Variants in SPOCK3 observed in about 807,000 individuals in gnomAD.
SPOCK3 encodes the protein SPARC (osteonectin), cwcv and kazal like domains proteoglycan 3.
A neutral mutation model predicts 56.6 loss-of-function variants in SPOCK3; 30 were observed. The observed-to-expected ratio is 0.53, with a 90% confidence interval of 0.40 to 0.72. The LOEUF (loss-of-function observed/expected upper bound fraction) is 0.72. SPOCK3 is among the 30% of genes least tolerant of loss of function. The pLI is 0.00. For synonymous variants in SPOCK3, 196 were observed against 183.3 expected (o/e 1.07, Z -0.56); for missense variants, 527 against 530.0 (o/e 0.99, Z 0.06).
chr4:167,010,300 C>T (rs1749901667), intron 3 of SPOCK3, among the ~76,000 whole-genome samples: 1 of 151,968 alleles, frequency 6.6e-6, no homozygotes, highest in Non-Finnish European at 1.5e-5. Flanking sequence ...GTGGGCAGAT[C>T]ACTTGAGCTC....
chr4:167,211,026 G>A (rs1009519354), intron 2 of SPOCK3, among the ~76,000 whole-genome samples: 1 of 152,138 alleles, frequency 6.6e-6, no homozygotes, highest in African/African-American at 2.4e-5. Context: ...TATAAATTAT[G>A]TAATTGATAA....
intron 3 of SPOCK3, among the ~76,000 whole-genome samples, chr4:167,026,420 G>A (rs1448822242): frequency 6.6e-6 from 1 of 151,964 alleles, no homozygotes; most frequent in Non-Finnish European, 1.5e-5. Context: ...AGTAACATAA[G>A]GAAGAAAAAC....
In SPOCK3 at chr4:167,001,373, A is replaced by G. The variant is rs566356415; in HGVS notation, c.236-910T>C. On this transcript the variant is annotated intron_variant, in intron 3 of 10. Transcript: ENST00000357545. ...TATTCTGGACATTTTATATAAATTG[A>G]ATGTTAAAATTTGTGGTGCTTTGTG... is the stretch of plus-strand genomic sequence containing the variant. Among the ~76,000 whole-genome samples, 82 of 152,312 alleles carry G rather than the reference A, an allele frequency of 5.4e-4. 1 individual carries two copies. In the South Asian group the frequency reaches 0.016, roughly 30 times the overall value.
At chr4:167,173,498 T>C (rs901291087) in intron 2 of SPOCK3, among the ~76,000 whole-genome samples, 5 of 152,162 alleles carry the variant, frequency 3.3e-5, no homozygotes, top group African/African-American at 2.4e-5. Context: ...ATCTGAAGGA[T>C]GTTTATTACA....
intron 2 of SPOCK3, among the ~76,000 whole-genome samples, chr4:167,064,277 T>A (rs1390155626): frequency 6.6e-6 from 1 of 151,808 alleles, no homozygotes; most frequent in Non-Finnish European, 1.5e-5. Flanking sequence ...CAGATAGGGT[T>A]ATATTAAGAG....
chr4:167,068,662 A>G (rs1405101360), intron 2 of SPOCK3, among the ~76,000 whole-genome samples: 1 of 151,794 alleles, frequency 6.6e-6, no homozygotes, highest in East Asian at 1.9e-4. Context: ...ATAAATTATG[A>G]CCTTATTAAT....
chr4:167,032,523 G>A (rs1752370109), intron 3 of SPOCK3, among the ~76,000 whole-genome samples: 1 of 151,846 alleles, frequency 6.6e-6, no homozygotes, highest in South Asian at 2.1e-4. Context: ...ATGGATTTGT[G>A]CAATTCCTAA....
At chr4:166,743,775 G>A (rs912175653) in intron 8 of SPOCK3, among the ~76,000 whole-genome samples, 5 of 152,280 alleles carry the variant, frequency 3.3e-5, no homozygotes, top group Non-Finnish European at 5.9e-5. Flanking sequence ...CTTTTACAAC[G>A]GTCTTAGCAG....
intron 4 of SPOCK3, among the ~76,000 whole-genome samples, chr4:166,950,113 A>T (rs1742359261): frequency 6.6e-6 from 1 of 151,476 alleles, no homozygotes; most frequent in Admixed American, 6.6e-5. Context: ...AATGGACTAA[A>T]TGCTCCAATT....
At chr4:167,202,762 A>C (rs529868122) in intron 2 of SPOCK3, among the ~76,000 whole-genome samples, 2 of 151,812 alleles carry the variant, frequency 1.3e-5, no homozygotes, top group Non-Finnish European at 2.9e-5. Context: ...ATTCAATAAA[A>C]AAAAAAACTA....
At chr4:166,982,366 T>C (rs945507886) in intron 4 of SPOCK3, among the ~76,000 whole-genome samples, 1 of 152,170 alleles carries the variant, frequency 6.6e-6, no homozygotes, top group Non-Finnish European at 1.5e-5. Flanking sequence ...AACACATATT[T>C]TGTAATCTCA....
intron 5 of SPOCK3, among the ~76,000 whole-genome samples, chr4:166,908,046 C>A (rs749929402): frequency 1.3e-5 from 2 of 151,866 alleles, no homozygotes; most frequent in Non-Finnish European, 2.9e-5. Context: ...GTATAACATA[C>A]CAAACTTCTC....
intron 8 of SPOCK3, among the ~76,000 whole-genome samples, chr4:166,750,753 T>A (rs1736268439): frequency 6.6e-6 from 1 of 152,214 alleles, no homozygotes; most frequent in African/African-American, 2.4e-5. Context: ...GTAATTGGGA[T>A]AAATAAATTT....
intron 6 of SPOCK3, among the ~76,000 whole-genome samples, chr4:166,831,433 T>A (rs1746038900): frequency 6.6e-6 from 1 of 152,172 alleles, no homozygotes; most frequent in African/African-American, 2.4e-5. Flanking sequence ...GTGGGACAGT[T>A]TTTAATTACA....
chr4:166,915,338 T>C (rs968158383), intron 4 of SPOCK3, among the ~76,000 whole-genome samples: 1 of 152,176 alleles, frequency 6.6e-6, no homozygotes, highest in African/African-American at 2.4e-5. Context: ...AAAAAAATGT[T>C]TCTTATGATT....
chr4:166,945,930 T>A (rs1389236963), intron 4 of SPOCK3, among the ~76,000 whole-genome samples: 1 of 152,226 alleles, frequency 6.6e-6, no homozygotes, highest in Non-Finnish European at 1.5e-5. Context: ...CTTCAGGGAT[T>A]AATTGTTCAG....
intron 4 of SPOCK3, among the ~76,000 whole-genome samples, chr4:166,968,089 A>C (rs1300422421): frequency 6.6e-6 from 1 of 152,190 alleles, no homozygotes; most frequent in Non-Finnish European, 1.5e-5. Context: ...TGGTGGAAGA[A>C]GTTTCTAAGC....
intron 5 of SPOCK3, among the ~76,000 whole-genome samples, chr4:166,903,262 T>C (rs1736254635): frequency 6.6e-6 from 1 of 151,692 alleles, no homozygotes; most frequent in African/African-American, 2.4e-5. Flanking sequence ...AATAGATTTC[T>C]ACAGAGAAAG....
At chr4:166,846,616 A>G (rs747891951) in intron 6 of SPOCK3, among the ~76,000 whole-genome samples, 1 of 152,072 alleles carries the variant, frequency 6.6e-6, no homozygotes, top group Non-Finnish European at 1.5e-5. Flanking sequence ...GCCTGTTTTT[A>G]TTTTTGGACA....
Sources: allele counts gnomAD v4.1 joint callset (sites outside exome capture counted in the v4.1 genomes callset), GRCh38; gene constraint gnomAD v4.1.1; transcripts MANE v1.5; gene names NCBI Gene and HGNC (gene_info 2026-07-23, HGNC 2026-07-21).